Variants in CTNNA3 observed in about 807,000 individuals in gnomAD.
CTNNA3 encodes catenin alpha-3.
Under a neutral mutation model 95.7 loss-of-function variants are expected in CTNNA3, and 76 were observed. The observed-to-expected ratio is 0.79, with a 90% CI of 0.66 to 0.96. The LOEUF is 0.96. CTNNA3 is among the 40% of genes least tolerant of loss of function. The probability of loss-of-function intolerance (pLI) is 0.00; values close to 1 mark genes in which losing one functional copy is unlikely to be tolerated. For missense variants in CTNNA3, 1,191 were observed against 1,089.8 expected (o/e 1.09, Z -1.31); for synonymous variants, 431 against 374.4 (o/e 1.15, Z -1.74).
chr10:66,622,026 C>G (rs1415321013), intron 9 of CTNNA3, among the ~76,000 whole-genome samples: 2 of 152,112 alleles, frequency 1.3e-5, no homozygotes, highest in African/African-American at 4.8e-5. Context: ...TCAGTAAACC[C>G]TATACAGTCT....
chr10:67,621,748 C>CAA (rs3059973), intron 2 of CTNNA3, among the ~76,000 whole-genome samples: 3 of 113,530 alleles, frequency 2.6e-5, no homozygotes, highest in African/African-American at 3.9e-5. Flanking sequence ...GACATCATCT[C>CAA]AAAAAAAAAA....
At chr10:66,257,497 C>T (rs2090836087) in intron 13 of CTNNA3, among the ~76,000 whole-genome samples, 1 of 152,206 alleles carries the variant, frequency 6.6e-6, no homozygotes, top group African/African-American at 2.4e-5. Context: ...CCCTCACCTT[C>T]CAGCTGTATT....
intron 7 of CTNNA3, among the ~76,000 whole-genome samples, chr10:66,916,068 T>C (rs1345598306): frequency 3.3e-5 from 5 of 152,100 alleles, no homozygotes; most frequent in Non-Finnish European, 1.5e-5. Flanking sequence ...TATTTTTAAA[T>C]GTTGGGACAA....
chr10:66,397,044 T>C (rs972226831), intron 11 of CTNNA3, among the ~76,000 whole-genome samples: 4 of 151,660 alleles, frequency 2.6e-5, no homozygotes, highest in Non-Finnish European at 5.9e-5. Flanking sequence ...CATTTAAAAT[T>C]CATATATTTA....
At chr10:67,583,505 T>G (rs1046272910) in intron 3 of CTNNA3, among the ~76,000 whole-genome samples, 3 of 152,194 alleles carry the variant, frequency 2.0e-5, no homozygotes, top group African/African-American at 7.2e-5. Context: ...TTTCCTTCAT[T>G]TCAATTTTGG....
intron 11 of CTNNA3, among the ~76,000 whole-genome samples, chr10:66,461,814 A>ATT (rs35888450): frequency 6.4e-5 from 9 of 140,156 alleles, no homozygotes; most frequent in Non-Finnish European, 1.1e-4. Flanking sequence ...TATATCTCCA[A>ATT]TTTTTTTTTT....
chr10:67,560,237 G>C (rs1290740759), intron 3 of CTNNA3, among the ~76,000 whole-genome samples: 2 of 151,978 alleles, frequency 1.3e-5, no homozygotes, highest in Non-Finnish European at 2.9e-5. Context: ...CAGCCAGAGA[G>C]AAAGGTCGGG....
At chr10:67,093,957 T>C (rs778263782) in intron 7 of CTNNA3, among the ~76,000 whole-genome samples, 5 of 151,984 alleles carry the variant, frequency 3.3e-5, no homozygotes, top group Non-Finnish European at 5.9e-5. Context: ...AATACCGTGA[T>C]GTCAGGCAGC....
At chr10:67,302,878 A>G (rs937509548) in intron 5 of CTNNA3, among the ~76,000 whole-genome samples, 1 of 152,226 alleles carries the variant, frequency 6.6e-6, no homozygotes, top group Non-Finnish European at 1.5e-5. Context: ...TAATTGAAAA[A>G]GGATTGAATA....
chr10:67,283,190 C>G (rs1450888679), intron 5 of CTNNA3, among the ~76,000 whole-genome samples: 1 of 152,186 alleles, frequency 6.6e-6, no homozygotes, highest in African/African-American at 2.4e-5. Context: ...AGAGGGTCCA[C>G]TGCTTCTTCA....
chr10:67,210,220 T>C (rs902187363), intron 6 of CTNNA3, among the ~76,000 whole-genome samples: 1 of 152,024 alleles, frequency 6.6e-6, no homozygotes, highest in African/African-American at 2.4e-5. Context: ...GGCAGGAGAA[T>C]TGCTTGAACC....
chr10:66,031,175 C>A (rs1474469794), intron 15 of CTNNA3, among the ~76,000 whole-genome samples: 5 of 152,090 alleles, frequency 3.3e-5, no homozygotes, highest in African/African-American at 1.2e-4. Flanking sequence ...AAAAATAGAA[C>A]TATAATTTGA....
chr10:67,058,485 C>T (rs565773456), intron 7 of CTNNA3, among the ~76,000 whole-genome samples: 1 of 152,124 alleles, frequency 6.6e-6, no homozygotes, highest in Non-Finnish European at 1.5e-5. Flanking sequence ...AAGTAAATTA[C>T]AGCATTTTGA....
intron 14 of CTNNA3, among the ~76,000 whole-genome samples, chr10:66,070,843 A>G (rs1264181009): frequency 1.3e-5 from 2 of 152,190 alleles, no homozygotes; most frequent in Non-Finnish European, 2.9e-5. Flanking sequence ...CATTGGTTGC[A>G]CTTCATCTCC....
chr10:66,134,158 T>C (rs1274969424), intron 13 of CTNNA3, among the ~76,000 whole-genome samples: 1 of 151,992 alleles, frequency 6.6e-6, no homozygotes, highest in African/African-American at 2.4e-5. Context: ...AAAAAACTCA[T>C]AAAAACCAAG....
intron 7 of CTNNA3, among the ~76,000 whole-genome samples, chr10:66,931,409 T>C (rs2132641039): frequency 6.6e-6 from 1 of 152,314 alleles, no homozygotes; most frequent in East Asian, 1.9e-4. Context: ...GCAAGATATA[T>C]TGCATTGAAA....
intron 14 of CTNNA3, among the ~76,000 whole-genome samples, chr10:66,093,854 T>C (rs2081296722): frequency 6.6e-6 from 1 of 152,066 alleles, no homozygotes; most frequent in Non-Finnish European, 1.5e-5. Flanking sequence ...TCTTACAAAA[T>C]AAAGCCTCTC....
chr10:67,145,046 T>C (rs904650046), intron 7 of CTNNA3, among the ~76,000 whole-genome samples: 6 of 152,070 alleles, frequency 3.9e-5, no homozygotes, highest in African/African-American at 1.4e-4. Context: ...TCACAGGGAA[T>C]AAGCAGGCCC....
At chr10:67,056,527 A>G (rs1351981723) in intron 7 of CTNNA3, among the ~76,000 whole-genome samples, 1 of 152,188 alleles carries the variant, frequency 6.6e-6, no homozygotes, top group Non-Finnish European at 1.5e-5. Context: ...ATCTGTAAAC[A>G]CTGTACTTCT....
Sources: gnomAD v4.1 joint callset for allele counts (sites outside exome capture counted in the v4.1 genomes callset) on GRCh38, gnomAD v4.1.1 for gene constraint, MANE v1.5 for transcripts, NCBI Gene and HGNC (gene_info 2026-07-23, HGNC 2026-07-21) for gene names.